SYT1: variants seen among roughly 807,000 people sequenced by gnomAD.
The protein encoded by SYT1 is synaptotagmin 1.
In SYT1, 8 loss-of-function variants were observed where a neutral mutation model predicts 44.8. The observed-to-expected ratio is 0.18, with a 90% confidence interval of 0.10 to 0.32. The LOEUF (loss-of-function observed/expected upper bound fraction) is 0.32. Ranked by LOEUF, SYT1 falls within the 10% of genes least tolerant of loss-of-function variation. The probability of loss-of-function intolerance (pLI) is 1.00; values close to 1 mark genes in which losing one functional copy is unlikely to be tolerated. For missense variants in SYT1, 286 were observed against 509.3 expected, an observed-to-expected ratio of 0.56 and a Z score of 4.22; for synonymous variants, 154 against 188.8, an observed-to-expected ratio of 0.82 and a Z score of 1.51.
intron 2 of SYT1, among the ~76,000 whole-genome samples, chr12:79,029,526 T>C (rs1429219588): frequency 6.6e-6 from 1 of 151,098 alleles, no homozygotes; most frequent in East Asian, 1.9e-4. Flanking sequence ...GATTCAGAAA[T>C]ATTTGCAACT....
At chr12:79,372,200 T>C (rs1392594934) in intron 9 of SYT1, among the ~76,000 whole-genome samples, 2 of 152,138 alleles carry the variant, frequency 1.3e-5, no homozygotes, top group Admixed American at 1.3e-4. Flanking sequence ...TGCATAACCG[T>C]CATCTAGCAT....
At chr12:79,076,190 AT>A (rs1876635778) in intron 3 of SYT1, among the ~76,000 whole-genome samples, 1 of 151,992 alleles carries the variant, frequency 6.6e-6, no homozygotes, top group African/African-American at 2.4e-5. Context: ...AGGAGGGCCT[AT>A]TTGTTCAGAT....
intron 3 of SYT1, among the ~76,000 whole-genome samples, chr12:79,053,367 G>A (rs1874672443): frequency 6.6e-6 from 1 of 152,020 alleles, no homozygotes; most frequent in South Asian, 2.1e-4. Context: ...TGGGGTGGGG[G>A]GAGCAGGGAG....
intron 3 of SYT1, among the ~76,000 whole-genome samples, chr12:79,140,228 C>T (rs569870709): frequency 6.6e-6 from 1 of 152,328 alleles, no homozygotes; most frequent in South Asian, 2.1e-4. Context: ...TAAAAATCTG[C>T]ATGCTTCCAT....
chr12:79,142,213 T>G (rs528299176), intron 3 of SYT1, among the ~76,000 whole-genome samples: 21 of 152,366 alleles, frequency 1.4e-4, no homozygotes, highest in African/African-American at 4.8e-4. Context: ...CTCACTCATA[T>G]TACAGCACAC....
chr12:79,391,695 A>G (rs1884663131), intron 9 of SYT1, among the ~76,000 whole-genome samples: 2 of 152,184 alleles, frequency 1.3e-5, no homozygotes, highest in Admixed American at 1.3e-4. Flanking sequence ...CCCGCCCCCC[A>G]ACAGTTTTGA....
At chr12:78,908,157 G>C (rs553955325) in intron 1 of SYT1, among the ~76,000 whole-genome samples, 159 of 151,920 alleles carry the variant, frequency 1.0e-3, no homozygotes, top group Non-Finnish European at 1.9e-3. Context: ...AATCTGTCAA[G>C]GATTCTTCAC....
At position 78,923,488 on chromosome 12, in the gene SYT1, T is replaced by A. The variant is rs561236105; in HGVS notation, c.-216-54311T>A. The stretch of plus-strand genomic sequence containing the variant: ...ATCTTGGCTGTGGAGCTTAGTATGT[T>A]ACTCTGAGTTTAGAGCTGACTTACC... On this transcript the variant is annotated intron_variant, in intron 1 of 10. Transcript: ENST00000261205. Among the ~76,000 whole-genome samples, 46 of 152,068 alleles carry A rather than the reference T, an allele frequency of 3.0e-4. 3 individuals carry two copies. In the South Asian group the frequency reaches 9.3e-3, roughly 31 times the overall value.
intron 1 of SYT1, among the ~76,000 whole-genome samples, chr12:78,952,535 C>T (rs1879020884): frequency 6.6e-6 from 1 of 152,108 alleles, no homozygotes; most frequent in Non-Finnish European, 1.5e-5. Context: ...GACTCATCCT[C>T]TGTTCAGATG....
intron 1 of SYT1, among the ~76,000 whole-genome samples, chr12:78,958,630 G>T (rs1012278648): frequency 6.6e-6 from 1 of 151,984 alleles, no homozygotes; most frequent in Non-Finnish European, 1.5e-5. Context: ...GGGAGGCAGA[G>T]GTTGCAGTGA....
intron 2 of SYT1, among the ~76,000 whole-genome samples, chr12:79,032,270 G>A (rs1274318083): frequency 6.6e-6 from 1 of 151,174 alleles, no homozygotes; most frequent in Non-Finnish European, 1.5e-5. Flanking sequence ...TAGTTAGATA[G>A]CATTTCTTGG....
intron 3 of SYT1, among the ~76,000 whole-genome samples, chr12:79,075,643 C>T (rs1876589288): frequency 6.6e-6 from 1 of 152,186 alleles, no homozygotes; most frequent in Admixed American, 6.6e-5. Flanking sequence ...ATAAGAATAT[C>T]GGCTATTTGA....
At chr12:79,338,680 T>C (rs546535824) in intron 8 of SYT1, among the ~76,000 whole-genome samples, 1 of 150,642 alleles carries the variant, frequency 6.6e-6, no homozygotes, top group African/African-American at 2.4e-5. Context: ...CTCCCTTTTT[T>C]TTTATTATAC....
At chr12:78,960,137 CAT>C (rs1222020536) in intron 1 of SYT1, 3 of 152,164 alleles carry the variant, frequency 2.0e-5, no homozygotes, top group Non-Finnish European at 4.4e-5. Flanking sequence ...CTTTACCACT[CAT>C]ATGTTTTTCT....
At chr12:79,344,068 G>T (rs970627167) in intron 8 of SYT1, among the ~76,000 whole-genome samples, 4 of 152,176 alleles carry the variant, frequency 2.6e-5, no homozygotes, top group Non-Finnish European at 5.9e-5. Flanking sequence ...CCAGCCAGAA[G>T]AACCTTCAGG....
chr12:79,180,616 G>A (rs113104983), intron 3 of SYT1, among the ~76,000 whole-genome samples: 1 of 151,984 alleles, frequency 6.6e-6, no homozygotes, highest in Non-Finnish European at 1.5e-5. Flanking sequence ...GGAGGAGCAG[G>A]CGTCTCACAT....
chr12:79,107,072 CTT>C (rs1293575786), intron 3 of SYT1, among the ~76,000 whole-genome samples: 3 of 151,876 alleles, frequency 2.0e-5, no homozygotes, highest in African/African-American at 7.2e-5. Flanking sequence ...AATAATAAAA[CTT>C]ATGTAAGGTA....
chr12:79,009,232 A>G (rs1002970462), intron 2 of SYT1, among the ~76,000 whole-genome samples: 4 of 152,184 alleles, frequency 2.6e-5, no homozygotes, highest in Non-Finnish European at 5.9e-5. Flanking sequence ...ATTACTGTGT[A>G]TCGTATTTTC....
chr12:79,061,313 G>A (rs938531496), intron 3 of SYT1, among the ~76,000 whole-genome samples: 2 of 151,912 alleles, frequency 1.3e-5, no homozygotes, highest in African/African-American at 2.4e-5. Flanking sequence ...CCAGAGACAC[G>A]CTCATATACA....
Sources: gnomAD v4.1 joint callset for allele counts (sites outside exome capture counted in the v4.1 genomes callset) on GRCh38, gnomAD v4.1.1 for gene constraint, MANE v1.5 for transcripts, NCBI Gene and HGNC (gene_info 2026-07-23, HGNC 2026-07-21) for gene names.